The following TULP4 variants were observed in gnomAD, a reference collection of about 807,000 sequenced individuals.
The protein encoded by TULP4 is TUB like protein 4.
Under a neutral mutation model 129.0 loss-of-function variants are expected in TULP4, and 16 were observed. The observed-to-expected ratio is 0.12, with a 90% CI of 0.08 to 0.19. TULP4 has a LOEUF of 0.19. TULP4 is among the 10% of genes least tolerant of loss of function. The pLI is 1.00. For missense variants in TULP4, 1,842 were observed against 2,059.1 expected, an observed-to-expected ratio of 0.89 and a Z score of 2.04; for synonymous variants, 998 against 854.0, an observed-to-expected ratio of 1.17 and a Z score of -2.94.
In TULP4 at chr6:158,313,770, T is replaced by G. The variant is rs966224227; in HGVS notation, c.-247T>G. The G allele has an allele frequency of 2.1e-5, 11 of 518,458 alleles. No homozygotes were observed. The highest frequency in any genetic ancestry group is 6.7e-6 in the Non-Finnish European group (2 of 297,528). The allele number at this position is 518,458 out of a possible 1,614,324, so 32.1% of individuals were successfully genotyped here. On this transcript the variant is annotated 5_prime_UTR_variant, in exon 1 of 14. An upstream start codon of the reference 5' UTR is lost. Coordinates refer to ENST00000367097, the MANE Select transcript of TULP4 (RefSeq NM_020245.5). ...AACTTGAAAATACAAATGGACCCCA[T>G]GTTTTTTTAAGCATTACCTTTTCTT...
rs1273176862 is a variant in TULP4, at chr6:158,493,327, G to T, written c.1632-246G>T. Among the ~76,000 whole-genome samples the T allele has an allele frequency of 2.6e-5, 4 of 152,198 alleles. No individual in the cohort carries two copies. The highest frequency in any genetic ancestry group is 7.2e-5 in the African/African-American group (3 of 41,442). On this transcript the variant is annotated intron_variant, in intron 9 of 13. Coordinates refer to ENST00000367097, the MANE Select transcript of TULP4 (RefSeq NM_020245.5). This position sits in a 1 kb window ranked among gnomAD's most constrained non-coding sequence, Gnocchi z 4.4. ...CCCAAGCAGCTGGGACTGCAGGTGT[G>T]TGCCACCACACCCAGTTTCTCAATA...
chr6:158,404,540 G>A (rs1777930412), intron 1 of TULP4, among the ~76,000 whole-genome samples: 1 of 152,044 alleles, frequency 6.6e-6, no homozygotes, highest in South Asian at 2.1e-4. Context: ...CACTTTGGGA[G>A]GCCAAGGCGG....
chr6:158,309,370 G>T (rs1468299562), upstream of TULP4, among the ~76,000 whole-genome samples: 1 of 147,134 alleles, frequency 6.8e-6, no homozygotes, highest in East Asian at 2.0e-4. Context: ...TCCTAGATGG[G>T]ATGGCGGCCG....
intron 1 of TULP4, among the ~76,000 whole-genome samples, chr6:158,303,914 G>GA (rs1562511959): frequency 2.0e-5 from 3 of 152,070 alleles, no homozygotes; most frequent in Non-Finnish European, 4.4e-5. Flanking sequence ...AAACGGTTTA[G>GA]AAAACAAAAC....
chr6:158,359,515 C>T (rs1256168417), intron 1 of TULP4, among the ~76,000 whole-genome samples: 3 of 152,162 alleles, frequency 2.0e-5, no homozygotes, highest in East Asian at 3.9e-4. Flanking sequence ...GGGCAGGAAG[C>T]GTCCAGCACG....
Position 158,479,984 on chromosome 6 carries a change from C to T in TULP4, c.1251+9C>T. The T allele has an allele frequency of 1.3e-6, 2 of 1,581,248 alleles. No homozygotes were observed. Among genetic ancestry groups the T allele is most frequent in the African/African-American group, 2.7e-5 (2 of 74,602 alleles). On this transcript the variant is annotated intron_variant, in intron 7 of 13. Transcript: ENST00000367097. ...TCATCCCCACCATCAAGGTAAAGCCCTCCACCCCTCCCTCTTCCTCCTCCC... is the reference window on the plus strand; with the variant it reads ...TCATCCCCACCATCAAGGTAAAGCCTTCCACCCCTCCCTCTTCCTCCTCCC...
chr6:158,428,397 G>GA (rs1778552471), intron 2 of TULP4: 1 of 152,130 alleles, frequency 6.6e-6, no homozygotes, highest in South Asian at 2.1e-4. Context: ...TGCAGATGCA[G>GA]AAAATCTAAA....
At chr6:158,455,598 G>A (rs1774556) in intron 5 of TULP4, among the ~76,000 whole-genome samples, 63,311 of 151,580 alleles carry the variant, frequency 0.42, 14,503 homozygotes, top group African/African-American at 0.62. Flanking sequence ...TTAGCCAGGC[G>A]TGGTGGTGCA....
rs767453564 is a variant in TULP4, at chr6:158,501,931, G to A, written c.2268G>A (p.Val756=). Residue 756 remains valine (V), a synonymous_variant, in exon 13 of 14, where the codon GTG becomes GTA. Transcript: ENST00000367097. The part of the protein sequence containing the change: ...VSNRYSNPGQ[V]IFGSVEMGRI... ...ACCGGTACTCCAATCCTGGACAGGT[G>A]ATTTTCGGAAGCGTGGAAATGGGCC... 1 of 1,614,060 alleles carries A rather than the reference G, an allele frequency of 6.2e-7. No individual in the cohort carries two copies. Among genetic ancestry groups the A allele is most frequent in the South Asian group, 1.1e-5 (1 of 91,076 alleles).
Position 158,444,246 on chromosome 6 carries a change from A to AAAAT in TULP4, c.544-4750_544-4749insAAAT, listed in dbSNP as rs1562568657. 1.9e-3 allele frequency among the ~76,000 whole-genome samples: 165 copies of AAAAT among 86,732 alleles called. 2 individuals carry two copies. Among genetic ancestry groups the AAAAT allele is most frequent in the African/African-American group, 2.6e-3 (64 of 24,768 alleles). The allele number at this position is 86,732 out of a possible 152,430, so 56.9% of individuals were successfully genotyped here. Reference sequence around the variant, plus strand: ...AAAAAAAAAAAAAAAAAAAAAAAAAATTTTTTTTTTTTTTTTTTTTAACTT... The same window carrying AAAAT: ...AAAAAAAAAAAAAAAAAAAAAAAAAAAAATTTTTTTTTTTTTTTTTTTTTAACTT... On this transcript the variant is annotated intron_variant, in intron 3 of 13. Coordinates refer to ENST00000367097, the MANE Select transcript of TULP4 (RefSeq NM_020245.5).
chr6:158,392,093 C>A (rs827972), intron 1 of TULP4, among the ~76,000 whole-genome samples: 106,517 of 152,122 alleles, frequency 0.7, 38,173 homozygotes, highest in African/African-American at 0.82. Context: ...ATGGACTTAC[C>A]ATTCCACATG....
chr6:158,355,270 A>G lies in TULP4; in HGVS notation c.252+41002A>G, dbSNP rs1247030432. 2.6e-5 allele frequency among the ~76,000 whole-genome samples: 4 copies of G among 152,112 alleles called. No individual in the cohort carries two copies. The East Asian group carries it at 7.8e-4, about 29-fold the overall frequency. On this transcript the variant is annotated intron_variant, in intron 1 of 13. Coordinates refer to ENST00000367097, the MANE Select transcript of TULP4 (RefSeq NM_020245.5). ...GGTAATTAAAATAATTATTTTGTAGAGGTGGGGGTCTTGTTCTATTACCCA... is the reference window on the plus strand; with the variant it reads ...GGTAATTAAAATAATTATTTTGTAGGGGTGGGGGTCTTGTTCTATTACCCA...
intron 1 of TULP4, among the ~76,000 whole-genome samples, chr6:158,334,036 T>A (rs904501834): frequency 6.6e-6 from 1 of 152,198 alleles, no homozygotes; most frequent in Non-Finnish European, 1.5e-5. Flanking sequence ...GCTTAAAATA[T>A]TGTGTGATGC....
chr6:158,444,449 A>C (rs1475479674), intron 3 of TULP4, among the ~76,000 whole-genome samples: 1 of 152,022 alleles, frequency 6.6e-6, no homozygotes, highest in Non-Finnish European at 1.5e-5. Context: ...ATAAAAGCAA[A>C]TAAGTGGGAA....
chr6:158,314,102 G>C lies in TULP4; in HGVS notation c.86G>C (p.Ser29Thr), dbSNP rs1442043738. 2.5e-6 allele frequency: 4 copies of C among 1,614,116 alleles called. No homozygotes were observed. Among genetic ancestry groups the C allele is most frequent in the Non-Finnish European group, 2.5e-6 (3 of 1,180,056 alleles). The part of the protein sequence containing the change: ...CLSWKGRVPK[S>T]EKEKPVCRRR... ...TCCTGGAAGGGGCGTGTCCCCAAGA[G>C]TGAGAAGGAGAAGCCTGTGTGCAGG... The change falls in exon 1 of 14, where the codon AGT becomes ACT. Residue 29 changes from serine to threonine, a missense_variant. Ser to Thr is a moderately conservative substitution (Grantham distance 58). Around this residue, in one of 5 missense-constraint regions of TULP4, gnomAD observed 151 missense variants for 268.7 expected, o/e 0.56. Coordinates refer to ENST00000367097, the MANE Select transcript of TULP4 (RefSeq NM_020245.5).
At chr6:158,303,766 T>A (rs145770951) in intron 1 of TULP4, among the ~76,000 whole-genome samples, 12 of 152,378 alleles carry the variant, frequency 7.9e-5, no homozygotes, top group Non-Finnish European at 1.3e-4. Flanking sequence ...GGTATTCACG[T>A]CTTCAGTAAT....
rs141134281 is a variant in TULP4, at chr6:158,412,391, C to T, written c.253-674C>T. On this transcript the variant is annotated intron_variant, in intron 1 of 13. Transcript: ENST00000367097. ...TTCCCTCAGACTCCTCCGGCACTCA[C>T]CTATTCTCAAAAGCCACCTAGCCGA... 3.6e-3 allele frequency among the ~76,000 whole-genome samples: 555 copies of T among 152,280 alleles called. 3 individuals carry two copies. Among genetic ancestry groups the T allele is most frequent in the African/African-American group, 0.013 (525 of 41,540 alleles).
intron 6 of TULP4, among the ~76,000 whole-genome samples, chr6:158,465,356 T>TA (rs1312990280): frequency 6.6e-6 from 1 of 152,264 alleles, no homozygotes; most frequent in African/African-American, 2.4e-5. Flanking sequence ...TAAGGCTGAA[T>TA]AATATTTTAT....
rs765666535 is a variant in TULP4, at chr6:158,326,491, C to T, written c.252+12223C>T. The stretch of plus-strand genomic sequence containing the variant: ...TTTGCCCCCTATTTATTCCACGTGT[C>T]GTTTATGGAATCTTGTATTTTTTTG... On this transcript the variant is annotated intron_variant, in intron 1 of 13. Transcript: ENST00000367097. Among the ~76,000 whole-genome samples, 34 of 152,218 alleles carry T rather than the reference C, an allele frequency of 2.2e-4. 2 individuals carry two copies. The highest frequency in any genetic ancestry group is 2.2e-4 in the Non-Finnish European group (15 of 68,018).
Sources: gnomAD v4.1 joint callset for allele counts (sites outside exome capture counted in the v4.1 genomes callset) on GRCh38, gnomAD v4.1.1 for gene constraint, gnomAD v4.1.1 regional missense constraint, Gnocchi (gnomAD v3.1) non-coding constraint, MANE v1.5 for transcripts, NCBI Gene and HGNC (gene_info 2026-07-23, HGNC 2026-07-21) for gene names.